PRKCH: variants seen among roughly 807,000 people sequenced by gnomAD.
PRKCH encodes the protein protein kinase C eta.
Under a neutral mutation model 82.5 loss-of-function variants are expected in PRKCH, and 28 were observed. The ratio of observed to expected loss-of-function variants is 0.34; its 90% CI spans 0.25 to 0.47. PRKCH has a LOEUF of 0.47. Ranked by LOEUF, PRKCH falls within the 20% of genes least tolerant of loss-of-function variation. PRKCH has a pLI of 1.00. For synonymous variants in PRKCH, 322 were observed against 327.4 expected, an observed-to-expected ratio of 0.98 and a Z score of 0.18; for missense variants, 705 against 881.8, an observed-to-expected ratio of 0.80 and a Z score of 2.54.
intron 1 of PRKCH, among the ~76,000 whole-genome samples, chr14:61,207,264 G>A (rs2044534259): frequency 6.6e-6 from 1 of 152,148 alleles, no homozygotes; most frequent in African/African-American, 2.4e-5. Context: ...TGGCATCTGA[G>A]GTCTGACTGG....
At chr14:61,232,754 T>C (rs1304032124) in intron 1 of PRKCH, among the ~76,000 whole-genome samples, 3 of 152,174 alleles carry the variant, frequency 2.0e-5, no homozygotes, top group Non-Finnish European at 2.9e-5. Flanking sequence ...TGACCATTGG[T>C]GATCAACTTA....
intron 1 of PRKCH, among the ~76,000 whole-genome samples, chr14:61,231,151 G>A (rs1189985476): frequency 6.6e-6 from 1 of 152,212 alleles, no homozygotes; most frequent in Non-Finnish European, 1.5e-5. Context: ...ACAGCTAGCT[G>A]TGTGACCTTG....
At chr14:61,469,777 A>G (rs1885415608) in intron 9 of PRKCH, among the ~76,000 whole-genome samples, 1 of 152,202 alleles carries the variant, frequency 6.6e-6, no homozygotes, top group African/African-American at 2.4e-5. Flanking sequence ...ATGTCAACAT[A>G]AAGTTAGCAG....
intron 1 of PRKCH, among the ~76,000 whole-genome samples, chr14:61,332,207 G>A (rs1428184609): frequency 6.6e-6 from 1 of 152,226 alleles, no homozygotes; most frequent in Non-Finnish European, 1.5e-5. Context: ...ACAAATCACT[G>A]TAGGACAGAC....
intron 1 of PRKCH, among the ~76,000 whole-genome samples, chr14:61,190,825 C>G (rs1205568725): frequency 6.6e-6 from 1 of 152,178 alleles, no homozygotes; most frequent in Non-Finnish European, 1.5e-5. Context: ...ATCCCACTAC[C>G]TGATCTAAAG....
chr14:61,299,291 A>G (rs567694333), intron 1 of PRKCH, among the ~76,000 whole-genome samples: 2 of 152,278 alleles, frequency 1.3e-5, no homozygotes, highest in East Asian at 1.9e-4. Context: ...GAGGGGCTGC[A>G]TGCTCAGTGT....
intron 1 of PRKCH, chr14:61,279,894 T>G: frequency 1.7e-6 from 1 of 590,238 alleles, no homozygotes; most frequent in Non-Finnish European, 3.0e-6. Flanking sequence ...CACTCTGCAG[T>G]CAACATCCCT....
At chr14:61,344,123 T>G (rs2045962026) in intron 1 of PRKCH, 2 of 152,210 alleles carry the variant, frequency 1.3e-5, no homozygotes, top group East Asian at 1.9e-4. Context: ...TTAGCATGGT[T>G]TCAGGTCAGT....
chr14:61,509,245 A>G (rs1222409586), intron 10 of PRKCH, among the ~76,000 whole-genome samples: 1 of 152,122 alleles, frequency 6.6e-6, no homozygotes, highest in Non-Finnish European at 1.5e-5. Flanking sequence ...TTTAGTTTGG[A>G]GAATGCCCTT....
intron 1 of PRKCH, among the ~76,000 whole-genome samples, chr14:61,313,673 C>A (rs1384131366): frequency 5.3e-5 from 8 of 152,062 alleles, no homozygotes; most frequent in Non-Finnish European, 1.0e-4. Flanking sequence ...CTGGGGGGTG[C>A]CTCACAATCA....
intron 1 of PRKCH, among the ~76,000 whole-genome samples, chr14:61,189,566 G>A (rs181943975): frequency 3.3e-5 from 5 of 151,568 alleles, no homozygotes; most frequent in Non-Finnish European, 5.9e-5. Context: ...GAGAGTAGGG[G>A]AGGCACATTT....
At chr14:61,440,597 C>T (rs900923655) in intron 2 of PRKCH, among the ~76,000 whole-genome samples, 3 of 152,152 alleles carry the variant, frequency 2.0e-5, no homozygotes, top group Non-Finnish European at 4.4e-5. Flanking sequence ...TATTGAAAGC[C>T]AGGCATGGTG....
chr14:61,225,426 T>C (rs528375953), intron 1 of PRKCH, among the ~76,000 whole-genome samples: 1 of 152,296 alleles, frequency 6.6e-6, no homozygotes, highest in Admixed American at 6.5e-5. Flanking sequence ...TCCTAAGCAC[T>C]CTGTGCTGGA....
intron 1 of PRKCH, among the ~76,000 whole-genome samples, chr14:61,313,908 C>G (rs2045543102): frequency 6.6e-6 from 1 of 152,180 alleles, no homozygotes; most frequent in Admixed American, 6.6e-5. Context: ...GGGGACACAG[C>G]CAAACCACAT....
At chr14:61,441,837 G>C in intron 2 of PRKCH, among the ~76,000 whole-genome samples, 1 of 150,380 alleles carries the variant, frequency 6.6e-6, no homozygotes, top group East Asian at 2.0e-4. Context: ...TTTTTTAAGA[G>C]ATGGGGCCTC....
chr14:61,433,563 G>A (rs561319625), intron 2 of PRKCH, among the ~76,000 whole-genome samples: 8 of 152,272 alleles, frequency 5.3e-5, no homozygotes, highest in Admixed American at 1.3e-4. Flanking sequence ...CAGTCCCTGA[G>A]CTTCAAGTAA....
At chr14:61,478,171 G>A (rs1207284573) in intron 9 of PRKCH, among the ~76,000 whole-genome samples, 1 of 152,204 alleles carries the variant, frequency 6.6e-6, no homozygotes, top group African/African-American at 2.4e-5. Context: ...CTTATGGTAT[G>A]CCAGACACTA....
chr14:61,484,078 G>T (rs995705310), intron 9 of PRKCH, among the ~76,000 whole-genome samples: 2 of 152,050 alleles, frequency 1.3e-5, no homozygotes, highest in Non-Finnish European at 2.9e-5. Flanking sequence ...ATCTGCATCC[G>T]TTGGTAAAAT....
chr14:61,484,425 T>A (rs547846805), intron 9 of PRKCH, among the ~76,000 whole-genome samples: 57 of 151,754 alleles, frequency 3.8e-4, no homozygotes, highest in Admixed American at 1.2e-3. Flanking sequence ...ATTTCATAAA[T>A]GTCACAGGAA....
Sources: gnomAD v4.1 joint callset for allele counts (sites outside exome capture counted in the v4.1 genomes callset) on GRCh38, gnomAD v4.1.1 for gene constraint, MANE v1.5 for transcripts, NCBI Gene and HGNC (gene_info 2026-07-23, HGNC 2026-07-21) for gene names.